Variants in PHLPP2 observed in about 807,000 individuals in gnomAD.
PHLPP2 encodes the protein PH domain and leucine rich repeat protein phosphatase 2.
Under a neutral mutation model 124.9 loss-of-function variants are expected in PHLPP2, and 66 were observed. The observed-to-expected ratio is 0.53, with a 90% CI of 0.43 to 0.65. The LOEUF (loss-of-function observed/expected upper bound fraction) is 0.65, where lower values mean the gene tolerates loss of function less well. Among genes scored for constraint, PHLPP2 ranks in the 30% least tolerant of loss-of-function variants. The probability of loss-of-function intolerance (pLI) is 0.00; values close to 1 mark genes in which losing one functional copy is unlikely to be tolerated. For missense variants in PHLPP2, 1,685 were observed against 1,600.4 expected (o/e 1.05, Z -0.90); for synonymous variants, 681 against 624.7 (o/e 1.09, Z -1.34).
intron 6 of PHLPP2, among the ~76,000 whole-genome samples, chr16:71,679,940 G>T (rs143603531): frequency 6.6e-6 from 1 of 152,004 alleles, no homozygotes; most frequent in Non-Finnish European, 1.5e-5. Context: ...AAAATTAGCC[G>T]GGCGTGGTGG....
intron 9 of PHLPP2, among the ~76,000 whole-genome samples, chr16:71,676,126 G>GTTT (rs1194059618): frequency 1.3e-5 from 2 of 152,056 alleles, no homozygotes; most frequent in African/African-American, 4.8e-5. Flanking sequence ...ATGCAGTCCT[G>GTTT]GGGTATAGTT....
At chr16:71,681,336 A>G (rs960449617) in intron 6 of PHLPP2, among the ~76,000 whole-genome samples, 6 of 152,210 alleles carry the variant, frequency 3.9e-5, no homozygotes, top group African/African-American at 1.2e-4. Context: ...GACTAAACGC[A>G]TAAGAGTTGG....
Position 71,684,606 on chromosome 16 carries a change from A to G in PHLPP2, c.610-5T>C. On this transcript the variant is annotated splice_polypyrimidine_tract_variant and splice_region_variant and intron_variant, in intron 4 of 18. Transcript: ENST00000568954. Reference sequence around the variant, plus strand: ...CCGTCGCTTCACTTCTTCTATCTGAAGAAGAGGAGGGGAGAAAACCAGAAC... The same window carrying G: ...CCGTCGCTTCACTTCTTCTATCTGAGGAAGAGGAGGGGAGAAAACCAGAAC... The G allele has an allele frequency of 1.2e-6, 2 of 1,607,082 alleles. No individual in the cohort carries two copies. Among genetic ancestry groups the G allele is most frequent in the Admixed American group, 1.7e-5 (1 of 59,326 alleles).
chr16:71,684,125 CTTTTTT>C (rs397816254), intron 5 of PHLPP2, among the ~76,000 whole-genome samples: 1 of 118,836 alleles, frequency 8.4e-6, no homozygotes, highest in South Asian at 2.8e-4. Flanking sequence ...TTGAGGTACT[CTTTTTT>C]TTTTTTTTTT....
chr16:71,656,485 GC>G, intron 16 of PHLPP2, 85 bp downstream of exon 16: 1 of 743,472 alleles, frequency 1.3e-6, no homozygotes, highest in Non-Finnish European at 2.4e-6. Flanking sequence ...GAACAACATG[GC>G]CTAGCTATTA....
rs768624226 is a variant in PHLPP2 at position 71,649,046 on chromosome 16, G to T, written c.3816C>A (p.Pro1272=). The change falls in exon 19 of 19, where the codon CCC becomes CCA. Residue 1272 remains proline (P), a synonymous_variant. Coordinates refer to ENST00000568954, the MANE Select transcript of PHLPP2 (RefSeq NM_015020.3). Reference sequence around the variant, plus strand: ...ACTGGTCCTCTGGTTCCATCTGAGTGGGGGCAGCAAAATAGCCAGTTTTCC... The same window carrying T: ...ACTGGTCCTCTGGTTCCATCTGAGTTGGGGCAGCAAAATAGCCAGTTTTCC... ...PKRKTGYFAA[P]TQMEPEDQFV... 1.9e-6 allele frequency: 3 copies of T among 1,614,168 alleles called. No individual in the cohort carries two copies. The highest frequency in any genetic ancestry group is 2.2e-5 in the South Asian group (2 of 91,076).
chr16:71,718,881 A>C (rs1463965764), intron 1 of PHLPP2, among the ~76,000 whole-genome samples: 1 of 152,192 alleles, frequency 6.6e-6, no homozygotes, highest in Non-Finnish European at 1.5e-5. Context: ...ATGGGCACTT[A>C]AAAGGCCTGG....
intron 15 of PHLPP2, 45 bp downstream of exon 15, chr16:71,658,188 G>A: frequency 6.4e-7 from 1 of 1,565,192 alleles, no homozygotes; most frequent in Non-Finnish European, 8.8e-7. Flanking sequence ...CACATGGCTG[G>A]TGGGCTAAGA....
intron 4 of PHLPP2, among the ~76,000 whole-genome samples, chr16:71,687,269 G>A (rs2045063166): frequency 6.6e-6 from 1 of 151,984 alleles, no homozygotes; most frequent in African/African-American, 2.4e-5. Flanking sequence ...TTGTCTTTTT[G>A]TTACTTAGTT....
chr16:71,694,979 G>A (rs2145359494), intron 3 of PHLPP2, among the ~76,000 whole-genome samples: 1 of 152,046 alleles, frequency 6.6e-6, no homozygotes, highest in African/African-American at 2.4e-5. Context: ...TAGAGACAAG[G>A]GTTCACTGTG....
At chr16:71,665,774 G>A (rs560074676) in intron 12 of PHLPP2, among the ~76,000 whole-genome samples, 4 of 152,224 alleles carry the variant, frequency 2.6e-5, no homozygotes, top group Admixed American at 6.5e-5. Context: ...CAAATGCAGC[G>A]TTATGCATTG....
At chr16:71,686,585 C>T (rs970291289) in intron 4 of PHLPP2, among the ~76,000 whole-genome samples, 3 of 152,082 alleles carry the variant, frequency 2.0e-5, no homozygotes, top group African/African-American at 7.2e-5. Context: ...TGCTCCTTTA[C>T]AGTCAGCCCC....
intron 3 of PHLPP2, 41 bp from the exon 4 acceptor site, chr16:71,690,750 G>C (rs1323739854): frequency 3.0e-6 from 4 of 1,340,722 alleles, no homozygotes; most frequent in Non-Finnish European, 4.2e-6. Context: ...CATTAAAGTA[G>C]TGTAAGAATA....
At chr16:71,667,390 G>A in intron 11 of PHLPP2, 57 bp from the exon 12 acceptor site, 1 of 1,382,920 alleles carries the variant, frequency 7.2e-7, no homozygotes, top group Middle Eastern at 1.9e-4. Flanking sequence ...CATTCTTTCT[G>A]AGGCTGTCCT....
chr16:71,689,260 G>A (rs1479133922), intron 4 of PHLPP2, among the ~76,000 whole-genome samples: 2 of 151,600 alleles, frequency 1.3e-5, no homozygotes, highest in East Asian at 3.9e-4. Context: ...TGTCACATAA[G>A]GCTAGGATAC....
intron 4 of PHLPP2, among the ~76,000 whole-genome samples, chr16:71,686,240 A>G (rs1222756763): frequency 1.3e-5 from 2 of 152,202 alleles, no homozygotes; most frequent in African/African-American, 4.8e-5. Flanking sequence ...TGGCGTGATC[A>G]TGGCTCAATG....
At position 71,714,645 on chromosome 16, in the gene PHLPP2, AG is replaced by A; in HGVS notation, c.150del (p.Ser51LeufsTer19). ...GAAGAGGAGGAGGAGGAAGAGGAAG[AG>A]GAGGTGGTGGTGGTTGTAGTGGCAG... Reference protein sequence around the residue: ...TTTATTTTTTSSSSSSSSSSS... With the variant: ...TTTATTTTTTXSSSSSSSSSS... On this transcript the variant is annotated frameshift_variant, in exon 2 of 19. Coordinates refer to ENST00000568954, the MANE Select transcript of PHLPP2 (RefSeq NM_015020.3). LOFTEE classifies it high-confidence loss of function. The A allele has an allele frequency of 1.2e-6, 2 of 1,613,610 alleles. No individual in the cohort carries two copies. Among genetic ancestry groups the A allele is most frequent in the Non-Finnish European group, 8.5e-7 (1 of 1,179,558 alleles).
Position 71,645,475 on chromosome 16 carries a change from T to C in PHLPP2, c.*3415A>G, listed in dbSNP as rs1401683552. ...GACTAATTATTTAATAATTGGTACATTTATCGATAACAGCCAGCTGCTCCC... is the reference window on the plus strand; with the variant it reads ...GACTAATTATTTAATAATTGGTACACTTATCGATAACAGCCAGCTGCTCCC... On this transcript the variant is annotated 3_prime_UTR_variant, in exon 19 of 19. Coordinates refer to ENST00000568954, the MANE Select transcript of PHLPP2 (RefSeq NM_015020.3). The C allele has an allele frequency of 6.6e-6, 1 of 152,658 alleles. No homozygotes were observed. The highest frequency in any genetic ancestry group is 1.5e-5 in the Non-Finnish European group (1 of 68,058). The allele number at this position is 152,658 out of a possible 1,614,324, so 9.5% of individuals were successfully genotyped here.
chr16:71,684,853 A>G (rs553779583), intron 4 of PHLPP2, among the ~76,000 whole-genome samples: 1 of 152,238 alleles, frequency 6.6e-6, no homozygotes, highest in Non-Finnish European at 1.5e-5. Context: ...TCTTGTCCTC[A>G]GGACTTGCAG....
Sources: gnomAD v4.1 joint callset for allele counts (sites outside exome capture counted in the v4.1 genomes callset) on GRCh38, gnomAD v4.1.1 for gene constraint, MANE v1.5 for transcripts, NCBI Gene and HGNC (gene_info 2026-07-23, HGNC 2026-07-21) for gene names.